Variants in CAMK1D observed in about 807,000 individuals in gnomAD.
CAMK1D encodes the protein calcium/calmodulin dependent protein kinase ID, also known as calcium/calmodulin-dependent protein kinase type 1D.
In CAMK1D, 9 loss-of-function variants were observed where a neutral mutation model predicts 47.7. The observed-to-expected ratio is 0.19, with a 90% CI of 0.11 to 0.33. The LOEUF is 0.33. Among genes scored for constraint, CAMK1D ranks in the 10% least tolerant of loss-of-function variants. The probability of loss-of-function intolerance (pLI) is 1.00; values close to 1 mark genes in which losing one functional copy is unlikely to be tolerated. For synonymous variants in CAMK1D, 184 were observed against 184.9 expected, an observed-to-expected ratio of 0.99 and a Z score of 0.04; for missense variants, 291 against 488.7, an observed-to-expected ratio of 0.60 and a Z score of 3.81.
At chr10:12,416,847 T>G (rs1363383695) in intron 1 of CAMK1D, among the ~76,000 whole-genome samples, 1 of 152,234 alleles carries the variant, frequency 6.6e-6, no homozygotes, top group Non-Finnish European at 1.5e-5. Context: ...TTCCAGGGCA[T>G]GTTCTGCCAA....
chr10:12,666,828 T>C lies in CAMK1D; in HGVS notation c.299+18T>C, dbSNP rs1249715523. 7 of 1,598,862 alleles carry C rather than the reference T, an allele frequency of 4.4e-6. No individual in the cohort carries two copies. Among genetic ancestry groups the C allele is most frequent in the Non-Finnish European group, 6.0e-6 (7 of 1,166,838 alleles). ...ATGCAGCTGTAAGTACCTTGTTTGA[T>C]TGATGAGTTTTGAACCAACTTGCAA... On this transcript the variant is annotated intron_variant, in intron 3 of 10. Transcript: ENST00000619168.
rs912179319 is a variant in CAMK1D at position 12,824,469 on chromosome 10, G to T, written c.838G>T (p.Ala280Ser). ...CEQAARHPWI[A>S]GDTALNKNIH... ...GCACCTTTGCCTCTGTTTCAGGATC[G>T]CTGGTGACACAGCCCTCAACAAAAA... The change falls in exon 9 of 11, where the codon GCT becomes TCT. Residue 280 changes from alanine (A) to serine (S), a missense_variant. Ala to Ser is a moderately conservative substitution (Grantham distance 99, BLOSUM62 1). Around this residue, in one of 2 missense-constraint regions of CAMK1D, gnomAD observed 219 missense variants for 424.3 expected, o/e 0.52. Coordinates refer to ENST00000619168, the MANE Select transcript of CAMK1D (RefSeq NM_153498.4). The T allele has an allele frequency of 1.2e-6, 2 of 1,613,826 alleles. No individual in the cohort carries two copies. Among genetic ancestry groups the T allele is most frequent in the Admixed American group, 3.3e-5 (2 of 59,994 alleles).
At chr10:12,523,429 G>C (rs1030593254) in intron 1 of CAMK1D, among the ~76,000 whole-genome samples, 8 of 152,172 alleles carry the variant, frequency 5.3e-5, no homozygotes, top group Non-Finnish European at 8.8e-5. Context: ...GCCGAGATCA[G>C]GCCACTGCAC....
In CAMK1D at chr10:12,578,880, C is replaced by T. The variant is rs373672272; in HGVS notation, c.224+25524C>T. On this transcript the variant is annotated intron_variant, in intron 2 of 10. Coordinates refer to ENST00000619168, the MANE Select transcript of CAMK1D (RefSeq NM_153498.4). ...AGACAACAAGCTGAAGCTCTACACT[C>T]GATTGACTGTTTTCAGGTGCTATGT... 170 of 154,344 alleles carry T rather than the reference C, an allele frequency of 1.1e-3. 1 individual carries two copies. The Middle Eastern group carries it at 0.015, about 14-fold the overall frequency. The allele number at this position is 154,344 out of a possible 1,614,324, so 9.6% of individuals were successfully genotyped here.
At chr10:12,551,790 A>C (rs1265876179) in intron 1 of CAMK1D, among the ~76,000 whole-genome samples, 1 of 152,098 alleles carries the variant, frequency 6.6e-6, no homozygotes, top group Admixed American at 6.5e-5. Flanking sequence ...GTCATCCCAA[A>C]ACCACCCTCC....
intron 6 of CAMK1D, among the ~76,000 whole-genome samples, chr10:12,799,125 G>A (rs748222878): frequency 6.6e-6 from 1 of 152,162 alleles, no homozygotes; most frequent in African/African-American, 2.4e-5. Context: ...ACGGGTGGGA[G>A]GATCCTTGGA....
intron 1 of CAMK1D, among the ~76,000 whole-genome samples, chr10:12,442,563 G>A (rs1277118897): frequency 6.6e-6 from 1 of 152,204 alleles, no homozygotes; most frequent in Non-Finnish European, 1.5e-5. Flanking sequence ...TTTTATTTCA[G>A]ATAGACTTGC....
intron 1 of CAMK1D, among the ~76,000 whole-genome samples, chr10:12,468,225 T>A (rs1833648439): frequency 1.3e-5 from 2 of 152,134 alleles, no homozygotes; most frequent in South Asian, 4.1e-4. Context: ...CCAGCTATTT[T>A]TTTTATATTT....
At chr10:12,493,217 T>G (rs904295520) in intron 1 of CAMK1D, among the ~76,000 whole-genome samples, 5 of 152,104 alleles carry the variant, frequency 3.3e-5, no homozygotes, top group African/African-American at 9.7e-5. Context: ...AGAAGTGGTG[T>G]TGTGGCTAGC....
intron 1 of CAMK1D, among the ~76,000 whole-genome samples, chr10:12,381,658 G>A (rs936576162): frequency 6.6e-6 from 1 of 152,182 alleles, no homozygotes; most frequent in African/African-American, 2.4e-5. Flanking sequence ...GACAGTGCAA[G>A]CTGCTGAGAA....
intron 1 of CAMK1D, among the ~76,000 whole-genome samples, chr10:12,390,061 C>T (rs779384929): frequency 2.0e-5 from 3 of 152,118 alleles, no homozygotes; most frequent in Non-Finnish European, 4.4e-5. Flanking sequence ...AGGACATGTG[C>T]ATGACCAATA....
intron 1 of CAMK1D, among the ~76,000 whole-genome samples, chr10:12,541,635 C>G (rs1588613401): frequency 6.6e-6 from 1 of 152,182 alleles, no homozygotes; most frequent in African/African-American, 2.4e-5. Context: ...GCTGGGATTA[C>G]AGGCGTGAGC....
In CAMK1D at chr10:12,616,082, A is replaced by G. The variant is rs560420148; in HGVS notation, c.225-50654A>G. On this transcript the variant is annotated intron_variant, in intron 2 of 10. Coordinates refer to ENST00000619168, the MANE Select transcript of CAMK1D (RefSeq NM_153498.4). Reference sequence around the variant, plus strand: ...TTATGATAGGCGTGTTTGTGCGTGTATTGGTGTGTATAGGTGTGAGCGTGT... The same window carrying G: ...TTATGATAGGCGTGTTTGTGCGTGTGTTGGTGTGTATAGGTGTGAGCGTGT... Among the ~76,000 whole-genome samples the G allele has an allele frequency of 9.6e-4, 144 of 150,336 alleles. 1 individual carries two copies. The highest frequency in any genetic ancestry group is 3.4e-3 in the African/African-American group (141 of 40,890).
intron 3 of CAMK1D, among the ~76,000 whole-genome samples, chr10:12,757,852 CTTTT>C (rs869125453): frequency 2.2e-5 from 2 of 91,456 alleles, no homozygotes; most frequent in South Asian, 4.0e-4. Flanking sequence ...GGGCCCTGCT[CTTTT>C]TTTTTTTTTT....
At chr10:12,755,851 C>T (rs923293704) in intron 3 of CAMK1D, among the ~76,000 whole-genome samples, 1 of 152,096 alleles carries the variant, frequency 6.6e-6, no homozygotes, top group Non-Finnish European at 1.5e-5. Context: ...AGTATCTTCC[C>T]CTTAGGACTA....
chr10:12,446,706 T>G (rs1017145636), intron 1 of CAMK1D, among the ~76,000 whole-genome samples: 2 of 152,166 alleles, frequency 1.3e-5, no homozygotes, highest in African/African-American at 4.8e-5. Context: ...ATGATATAAA[T>G]CCTTTCTCTT....
chr10:12,687,553 T>A (rs371774761), intron 3 of CAMK1D, among the ~76,000 whole-genome samples: 9 of 152,160 alleles, frequency 5.9e-5, no homozygotes, highest in African/African-American at 2.2e-4. Context: ...TAAATTATAT[T>A]CTCACATGAG....
At chr10:12,695,019 T>C (rs1457135980) in intron 3 of CAMK1D, among the ~76,000 whole-genome samples, 2 of 124,226 alleles carry the variant, frequency 1.6e-5, no homozygotes, top group African/African-American at 6.3e-5. Flanking sequence ...AAAATAAATC[T>C]CTCGATAGAT....
At chr10:12,554,008 G>C (rs1836677033) in intron 2 of CAMK1D, among the ~76,000 whole-genome samples, 1 of 151,762 alleles carries the variant, frequency 6.6e-6, no homozygotes, top group South Asian at 2.1e-4. Flanking sequence ...CACCCAGCAG[G>C]CTGCGTGGAG....
Sources: allele counts gnomAD v4.1 joint callset (sites outside exome capture counted in the v4.1 genomes callset), GRCh38; gene constraint gnomAD v4.1.1; regional missense constraint gnomAD v4.1.1; transcripts MANE v1.5; gene names NCBI Gene and HGNC (gene_info 2026-07-23, HGNC 2026-07-21).